The following ATP8A2 variants were observed in gnomAD, a reference collection of about 807,000 sequenced individuals.
ATP8A2 encodes the protein ATPase phospholipid transporting 8A2.
In ATP8A2, 100 loss-of-function variants were observed where a neutral mutation model predicts 165.6. The observed-to-expected ratio is 0.60, with a 90% confidence interval of 0.51 to 0.71. The LOEUF is 0.71. ATP8A2 is among the 30% of genes least tolerant of loss of function. ATP8A2 has a pLI of 0.00. For synonymous variants in ATP8A2, 543 were observed against 548.8 expected, an observed-to-expected ratio of 0.99 and a Z score of 0.15; for missense variants, 1,227 against 1,479.5, an observed-to-expected ratio of 0.83 and a Z score of 2.80.
At chr13:25,675,805 A>G (rs2042360509) in intron 24 of ATP8A2, among the ~76,000 whole-genome samples, 1 of 152,162 alleles carries the variant, frequency 6.6e-6, no homozygotes. Context: ...GATGCTGCTG[A>G]TGGAGTTACA....
chr13:25,937,521 G>A (rs777095103), intron 33 of ATP8A2, among the ~76,000 whole-genome samples: 8 of 151,268 alleles, frequency 5.3e-5, no homozygotes, highest in African/African-American at 1.5e-4. Context: ...TTCTATATAA[G>A]CAAAAGAAAT....
intron 5 of ATP8A2, among the ~76,000 whole-genome samples, chr13:25,532,902 G>A (rs1195257977): frequency 3.3e-5 from 5 of 152,186 alleles, no homozygotes; most frequent in African/African-American, 1.2e-4. Context: ...CTGGGCTCAA[G>A]CAGTCTGCCT....
intron 2 of ATP8A2, among the ~76,000 whole-genome samples, chr13:25,511,379 C>A (rs531201301): frequency 5.0e-4 from 76 of 152,330 alleles, no homozygotes; most frequent in African/African-American, 1.8e-3. Context: ...GCCAGATAAA[C>A]TGGCTGCCCT....
chr13:25,512,806 G>T (rs1274315797), intron 2 of ATP8A2, among the ~76,000 whole-genome samples: 2 of 140,092 alleles, frequency 1.4e-5, no homozygotes, highest in Non-Finnish European at 3.1e-5. Flanking sequence ...TCTCCCTCCC[G>T]TACGGGGCGG....
intron 2 of ATP8A2, among the ~76,000 whole-genome samples, chr13:25,491,925 G>A (rs1361130214): frequency 1.3e-5 from 2 of 152,198 alleles, no homozygotes; most frequent in Non-Finnish European, 2.9e-5. Flanking sequence ...GTATCAGTCT[G>A]TAACCAAAGG....
chr13:25,471,641 C>T (rs1023835877), intron 2 of ATP8A2, among the ~76,000 whole-genome samples: 5 of 152,220 alleles, frequency 3.3e-5, no homozygotes, highest in African/African-American at 7.2e-5. Context: ...CCAGGCCCAG[C>T]TGGAAGGTAA....
At position 25,860,216 on chromosome 13, in the gene ATP8A2, A is replaced by G. The variant is rs1321994555; in HGVS notation, c.2978A>G (p.His993Arg). Residue 993 changes from histidine to arginine, a missense_variant, in exon 31 of 37, where the codon CAT (histidine) becomes CGT (arginine). This residue lies in a region of ATP8A2 where 260 missense variants were observed against 245.1 expected (regional missense o/e 1.06). Transcript: ENST00000381655. ...LEHDTVLTSGHATDYLFVGNI... is the reference protein window; with the variant it reads ...LEHDTVLTSGRATDYLFVGNI... ...TCAGATACTGTGTTGACAAGTGGTC[A>G]TGCTACCGACTATTTATTTGTTGGA... 4 of 1,612,398 alleles carry G rather than the reference A, an allele frequency of 2.5e-6. No homozygotes were observed. The highest frequency in any genetic ancestry group is 8.5e-7 in the Non-Finnish European group (1 of 1,178,694).
At chr13:25,655,394 G>GTCGGGA (rs1285140298) in intron 24 of ATP8A2, among the ~76,000 whole-genome samples, 1 of 152,308 alleles carries the variant, frequency 6.6e-6, no homozygotes, top group African/African-American at 2.4e-5. Flanking sequence ...TCCGACCTCA[G>GTCGGGA]GTGATCCACC....
chr13:25,395,718 G>A (rs546074625), intron 1 of ATP8A2, among the ~76,000 whole-genome samples: 1 of 152,184 alleles, frequency 6.6e-6, no homozygotes, highest in South Asian at 2.1e-4. Context: ...GAATTTTTTT[G>A]TAGAGATGGG....
intron 25 of ATP8A2, among the ~76,000 whole-genome samples, chr13:25,736,454 A>G (rs774912435): frequency 6.6e-6 from 1 of 152,196 alleles, no homozygotes; most frequent in Non-Finnish European, 1.5e-5. Flanking sequence ...TTATTTGTAA[A>G]CTGTTGACTG....
At chr13:25,715,891 C>A (rs901295248) in intron 25 of ATP8A2, among the ~76,000 whole-genome samples, 2 of 152,180 alleles carry the variant, frequency 1.3e-5, no homozygotes, top group Non-Finnish European at 2.9e-5. Flanking sequence ...GACTGTTTTT[C>A]TAAGTGGCTA....
chr13:25,584,266 T>A (rs2039857549), intron 23 of ATP8A2, among the ~76,000 whole-genome samples: 1 of 152,156 alleles, frequency 6.6e-6, no homozygotes, highest in Non-Finnish European at 1.5e-5. Context: ...ATTAGACTTT[T>A]CAGTGTGGGA....
At chr13:25,960,755 A>G (rs1004707867) in intron 33 of ATP8A2, among the ~76,000 whole-genome samples, 1 of 151,972 alleles carries the variant, frequency 6.6e-6, no homozygotes, top group Non-Finnish European at 1.5e-5. Context: ...AACTCACCTA[A>G]CATCTAACTT....
rs113292779 is a variant in ATP8A2 at position 25,577,681 on chromosome 13, A to G, written c.1782+543A>G. The stretch of plus-strand genomic sequence containing the variant: ...TGTATACCTTCTAGTAACCAAATCT[A>G]AATGGTTTATCTCAAAGGAAAGATG... On this transcript the variant is annotated intron_variant, in intron 20 of 36. Transcript: ENST00000381655. 1.3e-3 allele frequency among the ~76,000 whole-genome samples: 200 copies of G among 152,324 alleles called. 3 individuals are homozygous for G. Among genetic ancestry groups the G allele is most frequent in the African/African-American group, 4.5e-3 (188 of 41,580 alleles).
intron 1 of ATP8A2, among the ~76,000 whole-genome samples, chr13:25,418,850 T>A (rs560636960): frequency 6.6e-6 from 1 of 152,300 alleles, no homozygotes; most frequent in East Asian, 1.9e-4. Flanking sequence ...TATGTACTTG[T>A]GTTTAACAGT....
intron 27 of ATP8A2, among the ~76,000 whole-genome samples, chr13:25,797,608 G>A (rs781575636): frequency 3.3e-5 from 5 of 152,224 alleles, no homozygotes; most frequent in East Asian, 1.9e-4. Flanking sequence ...CACTTTTTTA[G>A]GAATTTGATG....
chr13:25,694,871 CAG>C (rs1049614182), intron 24 of ATP8A2, among the ~76,000 whole-genome samples: 13 of 152,006 alleles, frequency 8.6e-5, no homozygotes, highest in Admixed American at 7.9e-4. Context: ...TTTCTAGGGA[CAG>C]AGTCTCACTC....
intron 1 of ATP8A2, among the ~76,000 whole-genome samples, chr13:25,411,795 G>T (rs562383150): frequency 1.3e-5 from 2 of 152,254 alleles, no homozygotes; most frequent in South Asian, 4.1e-4. Flanking sequence ...TGTGATTGGA[G>T]AGTTAATATC....
chr13:25,582,941 G>T (rs2039815850), intron 23 of ATP8A2, among the ~76,000 whole-genome samples: 2 of 152,186 alleles, frequency 1.3e-5, no homozygotes, highest in African/African-American at 2.4e-5. Flanking sequence ...TGGAAGTTGG[G>T]CTCCCAAACA....
Sources: gnomAD v4.1 joint callset for allele counts (sites outside exome capture counted in the v4.1 genomes callset) on GRCh38, gnomAD v4.1.1 for gene constraint, gnomAD v4.1.1 regional missense constraint, MANE v1.5 for transcripts, NCBI Gene and HGNC (gene_info 2026-07-23, HGNC 2026-07-21) for gene names.